Variants in INTU observed in about 807,000 individuals in gnomAD.
INTU encodes the protein inturned planar cell polarity protein.
A neutral mutation model predicts 100.5 loss-of-function variants in INTU; 68 were observed. The ratio of observed to expected loss-of-function variants is 0.68; its 90% CI spans 0.56 to 0.83. INTU has a LOEUF of 0.83. INTU is among the 40% of genes least tolerant of loss of function. The pLI is 0.00. For missense variants in INTU, 1,071 were observed against 1,114.7 expected (o/e 0.96, Z 0.56); for synonymous variants, 357 against 395.7 (o/e 0.90, Z 1.16).
At chr4:127,648,225 T>G (rs1727677618) in intron 2 of INTU, among the ~76,000 whole-genome samples, 1 of 152,154 alleles carries the variant, frequency 6.6e-6, no homozygotes, top group African/African-American at 2.4e-5. Flanking sequence ...AGACCTTTCC[T>G]TGGGTTTAGG....
At chr4:127,681,042 C>A (rs990180605) in intron 6 of INTU, among the ~76,000 whole-genome samples, 6 of 151,526 alleles carry the variant, frequency 4.0e-5, no homozygotes, top group Non-Finnish European at 8.9e-5. Context: ...ATCCAACTTA[C>A]AAGGGATGTG....
rs181149945 is a variant in INTU, at chr4:127,677,434, G to A, written c.1181+3221G>A. Among the ~76,000 whole-genome samples, 751 of 150,702 alleles carry A rather than the reference G, an allele frequency of 5.0e-3. 64 individuals are homozygous for A. Among genetic ancestry groups the A allele is most frequent in the Middle Eastern group, 0.024 (7 of 294 alleles). The stretch of plus-strand genomic sequence containing the variant: ...GAGGAACGATCAGACAGCAGCATTC[G>A]CGGTTCACGAAAATCTGCTGTTCTG... On this transcript the variant is annotated intron_variant, in intron 6 of 15. Transcript: ENST00000335251.
intron 14 of INTU, among the ~76,000 whole-genome samples, chr4:127,713,391 C>G (rs895172235): frequency 1.3e-5 from 2 of 152,014 alleles, no homozygotes; most frequent in Admixed American, 6.6e-5. Context: ...TTATAAGAAG[C>G]CTTTATAGTC....
chr4:127,713,212 G>A (rs981617708), intron 14 of INTU, among the ~76,000 whole-genome samples: 10 of 152,160 alleles, frequency 6.6e-5, no homozygotes, highest in African/African-American at 2.4e-4. Flanking sequence ...AAGGGTGGAG[G>A]CAGGGACCAG....
At chr4:127,703,542 A>G (rs1352550884) in intron 9 of INTU, among the ~76,000 whole-genome samples, 1 of 152,132 alleles carries the variant, frequency 6.6e-6, no homozygotes, top group Non-Finnish European at 1.5e-5. Context: ...ATGATAACAT[A>G]TATTTTGTTC....
At chr4:127,688,749 G>A (rs189055552) in intron 8 of INTU, among the ~76,000 whole-genome samples, 9 of 152,226 alleles carry the variant, frequency 5.9e-5, no homozygotes, top group Non-Finnish European at 7.4e-5. Flanking sequence ...GTTATTACAC[G>A]TGAAGTATTT....
intron 8 of INTU, among the ~76,000 whole-genome samples, chr4:127,692,511 TTG>T (rs1303622905): frequency 6.6e-6 from 1 of 152,212 alleles, no homozygotes; most frequent in Non-Finnish European, 1.5e-5. Flanking sequence ...GATGTATAGA[TTG>T]TGAAGATTTT....
At chr4:127,678,432 C>G (rs145063089) in intron 6 of INTU, among the ~76,000 whole-genome samples, 6,162 of 152,198 alleles carry the variant, frequency 0.04, 355 homozygotes, top group African/African-American at 0.13. Context: ...CCAGAAGAGA[C>G]TGGGGGCCAA....
rs565951274 is a variant in INTU at position 127,687,506 on chromosome 4, A to AAATTT, written c.1260-171_1260-167dup. On this transcript the variant is annotated intron_variant, in intron 7 of 15. Transcript: ENST00000335251. ...TTAGGGTAAAAAGTTTGGACAGGGTAAATTTCTTTACACAATCCGTCAGTA... is the reference window on the plus strand; with the variant it reads ...TTAGGGTAAAAAGTTTGGACAGGGTAAATTTAATTTCTTTACACAATCCGTCAGTA... The AAATTT allele has an allele frequency of 3.7e-4, 180 of 490,712 alleles. 1 individual carries two copies. In the East Asian group the frequency reaches 5.4e-3, roughly 15 times the overall value. 30.4% of individuals were successfully genotyped at this position (490,712 alleles called of 1,614,324 possible).
intron 4 of INTU, among the ~76,000 whole-genome samples, chr4:127,666,893 G>A (rs2126203864): frequency 6.6e-6 from 1 of 152,258 alleles, no homozygotes; most frequent in South Asian, 2.1e-4. Context: ...CCAAAAGGAT[G>A]CATTTCCTTG....
chr4:127,648,026 C>A (rs1175928516), intron 2 of INTU, among the ~76,000 whole-genome samples: 5 of 152,088 alleles, frequency 3.3e-5, no homozygotes, highest in African/African-American at 1.2e-4. Flanking sequence ...CATTGAGGAA[C>A]TGTGATAAAC....
At chr4:127,715,353 T>C (rs1252431612) in intron 15 of INTU, among the ~76,000 whole-genome samples, 1 of 152,172 alleles carries the variant, frequency 6.6e-6, no homozygotes, top group Non-Finnish European at 1.5e-5. Context: ...TACCATGTAG[T>C]ATTAAGCTGT....
chr4:127,664,967 T>C (rs1182869645), intron 4 of INTU, among the ~76,000 whole-genome samples: 1 of 151,854 alleles, frequency 6.6e-6, no homozygotes, highest in Non-Finnish European at 1.5e-5. Context: ...CTATATACTC[T>C]TTCTTTTTTT....
intron 2 of INTU, among the ~76,000 whole-genome samples, chr4:127,647,442 C>T (rs1461553312): frequency 2.0e-5 from 3 of 152,150 alleles, no homozygotes; most frequent in Non-Finnish European, 4.4e-5. Context: ...TAGCATCTTC[C>T]AGTCTCTCTC....
chr4:127,676,203 T>C (rs1431189776), intron 6 of INTU: 1 of 155,072 alleles, frequency 6.4e-6, no homozygotes, highest in African/African-American at 2.4e-5. Context: ...GAGAAAAATA[T>C]GTGTTTTTCT....
In INTU at chr4:127,704,335, A is replaced by G. The variant is rs768796002; in HGVS notation, c.1566+45A>G. 11 of 1,412,964 alleles carry G rather than the reference A, an allele frequency of 7.8e-6. No individual in the cohort carries two copies. The South Asian group carries it at 1.2e-4, about 16-fold the overall frequency. The allele number at this position is 1,412,964 out of a possible 1,614,324, so 87.5% of individuals were successfully genotyped here. On this transcript the variant is annotated intron_variant, in intron 10 of 15. Coordinates refer to ENST00000335251, the MANE Select transcript of INTU (RefSeq NM_015693.4). ...CTAAATGTCCAGCTGCTGTATAAAG[A>G]GAACTAAATTTTCAAAACTTTTACA...
chr4:127,710,971 G>T lies in INTU; in HGVS notation c.2428G>T (p.Gly810Ter). Residue 810 changes from glycine (G) to a stop codon, truncating the protein, a stop_gained, in exon 14 of 16, where the codon GGA becomes TGA. Coordinates refer to ENST00000335251, the MANE Select transcript of INTU (RefSeq NM_015693.4). LOFTEE classifies it high-confidence loss of function. ...FHYVALETVQGIFITPTLEEV... is the reference protein window; with the variant it reads ...FHYVALETVQ ...CTACGTTGCCTTAGAAACAGTGCAA[G>T]GAATCTTTATTACTCCTACCCTTGA... is the stretch of plus-strand genomic sequence containing the variant. 6.3e-7 allele frequency: 1 copy of T among 1,587,536 alleles called. No homozygotes were observed. Among genetic ancestry groups the T allele is most frequent in the Non-Finnish European group, 8.6e-7 (1 of 1,162,370 alleles).
At chr4:127,661,633 T>A (rs1440917663) in intron 3 of INTU, among the ~76,000 whole-genome samples, 1 of 152,134 alleles carries the variant, frequency 6.6e-6, no homozygotes, top group Admixed American at 6.6e-5. Context: ...TAAAGCCCAA[T>A]GCCAGGGGAC....
chr4:127,677,435 C>T (rs1315386376), intron 6 of INTU, among the ~76,000 whole-genome samples: 3 of 150,716 alleles, frequency 2.0e-5, no homozygotes, highest in East Asian at 1.9e-4. Flanking sequence ...GCAGCATTCG[C>T]GGTTCACGAA....
Sources: allele counts gnomAD v4.1 joint callset (sites outside exome capture counted in the v4.1 genomes callset), GRCh38; gene constraint gnomAD v4.1.1; transcripts MANE v1.5; gene names NCBI Gene and HGNC (gene_info 2026-07-23, HGNC 2026-07-21).